The following ARFGAP2 variants were observed in gnomAD, a reference collection of about 807,000 sequenced individuals.
ARFGAP2 encodes the protein ADP-ribosylation factor GTPase-activating protein 2.
Under a neutral mutation model 71.9 loss-of-function variants are expected in ARFGAP2, and 45 were observed. That is an observed-to-expected ratio of 0.63 (90% CI 0.49 to 0.80). The LOEUF (loss-of-function observed/expected upper bound fraction) is 0.80, where lower values mean the gene tolerates loss of function less well. Among genes scored for constraint, ARFGAP2 ranks in the 30% least tolerant of loss-of-function variants. ARFGAP2 has a pLI of 0.00. For synonymous variants in ARFGAP2, 248 were observed against 249.2 expected (o/e 1.00, Z 0.05); for missense variants, 633 against 673.9 (o/e 0.94, Z 0.67).
chr11:47,172,228 G>A (rs1335485431), intron 8 of ARFGAP2, 53 bp downstream of exon 8: 10 of 1,574,760 alleles, frequency 6.4e-6, no homozygotes, highest in Non-Finnish European at 8.7e-6. Context: ...GTGAACCCAG[G>A]TAGCCTGCAC....
intron 2 of ARFGAP2, 184 bp from the exon 3 acceptor site, chr11:47,176,107 G>C: frequency 3.1e-6 from 2 of 635,742 alleles, no homozygotes; most frequent in Non-Finnish European, 5.5e-6. Context: ...TTACTCCAAA[G>C]AGTACTAATT....
rs764958559 is a variant in ARFGAP2, at chr11:47,173,773, C to T, written c.548G>A (p.Ser183Asn). ...GTQQPAPSTE[S>N]SGLAQPEHGP... ...GCTGAACTCACGTGCCAGGCCACTG[C>T]TCTCTGTAGACGGGGCTGGCTGCTG... Residue 183 changes from serine to asparagine, a missense_variant, in exon 6 of 16, where the codon AGC becomes AAC. By Grantham distance (46) the Ser-to-Asn change is conservative. Transcript: ENST00000524782. 6.2e-7 allele frequency: 1 copy of T among 1,603,646 alleles called. No homozygotes were observed. Among genetic ancestry groups the T allele is most frequent in the South Asian group, 1.1e-5 (1 of 88,906 alleles).
In ARFGAP2 at chr11:47,173,814, A is replaced by G. The variant is rs1952686742; in HGVS notation, c.507T>C (p.Thr169=). 1.9e-6 allele frequency: 3 copies of G among 1,603,782 alleles called. No individual in the cohort carries two copies. The highest frequency in any genetic ancestry group is 3.4e-5 in the Admixed American group (2 of 58,780). Residue 169 remains threonine (T), a synonymous_variant, in exon 6 of 16, where the codon ACT becomes ACC. Transcript: ENST00000524782. ...CTGGCTGCTGGGTCCCTGAAGGCTC[A>G]GTGGCTGGCGCATCCCAGGCAGGGG... The part of the protein sequence containing the change: ...TQPPAWDAPA[T]EPSGTQQPAP...
intron 12 of ARFGAP2, among the ~76,000 whole-genome samples, 181 bp from the exon 13 acceptor site, chr11:47,167,067 G>C (rs1055947910): frequency 6.6e-6 from 1 of 152,188 alleles, no homozygotes; most frequent in Non-Finnish European, 1.5e-5. Context: ...TCCACATTGA[G>C]GCCAAGGCCC....
chr11:47,175,323 AAAG>A lies in ARFGAP2; in HGVS notation c.265-13_265-11del. 7 of 1,614,106 alleles carry A rather than the reference AAAG, an allele frequency of 4.3e-6. No homozygotes were observed. The highest frequency in any genetic ancestry group is 5.1e-6 in the Non-Finnish European group (6 of 1,180,018). On this transcript the variant is annotated splice_polypyrimidine_tract_variant and intron_variant, in intron 3 of 15. Transcript: ENST00000524782. ...GGCGAAAAAAAGCCGTCTGGAGAGC[AAAG>A]AAGAGAGCAGCGCGTGCTACGGGTG... is the stretch of plus-strand genomic sequence containing the variant.
At chr11:47,176,109 G>T in intron 2 of ARFGAP2, 186 bp from the exon 3 acceptor site, 1 of 630,142 alleles carries the variant, frequency 1.6e-6, no homozygotes, top group Non-Finnish European at 2.8e-6. Flanking sequence ...ACTCCAAAGA[G>T]TACTAATTAT....
At chr11:47,169,084 C>T (rs902657652) in intron 10 of ARFGAP2, among the ~76,000 whole-genome samples, 3 of 151,392 alleles carry the variant, frequency 2.0e-5, no homozygotes, top group Non-Finnish European at 4.4e-5. Flanking sequence ...GAGGCCGAGG[C>T]GGGCAGATCA....
At chr11:47,175,701 A>G (rs2135439743) in intron 3 of ARFGAP2, 150 bp downstream of exon 3, 1 of 843,158 alleles carries the variant, frequency 1.2e-6, no homozygotes, top group East Asian at 2.6e-5. Flanking sequence ...AGCTGTGACC[A>G]GTTTCGAAGT....
rs1952304318 is a variant in ARFGAP2, at chr11:47,165,335, G to A, written c.*147C>T. ...TACTGACCATTCCCCTCACAGGAGTGAGCGCCTCAAAGGCCACCCCACACA... is the reference window on the plus strand; with the variant it reads ...TACTGACCATTCCCCTCACAGGAGTAAGCGCCTCAAAGGCCACCCCACACA... On this transcript the variant is annotated 3_prime_UTR_variant, in exon 16 of 16. Transcript: ENST00000524782. The A allele has an allele frequency of 1.0e-6, 1 of 967,016 alleles. No individual in the cohort carries two copies. The highest frequency in any genetic ancestry group is 1.5e-6 in the Non-Finnish European group (1 of 664,946). 59.9% of individuals were successfully genotyped at this position (967,016 alleles called of 1,614,324 possible).
Position 47,164,479 on chromosome 11 carries a change from T to C in ARFGAP2, c.*1003A>G. 2.6e-6 allele frequency: 1 copy of C among 389,488 alleles called. No individual in the cohort carries two copies. The highest frequency in any genetic ancestry group is 4.6e-6 in the Non-Finnish European group (1 of 218,924). 24.1% of individuals were successfully genotyped at this position (389,488 alleles called of 1,614,324 possible). On this transcript the variant is annotated 3_prime_UTR_variant, in exon 16 of 16. Coordinates refer to ENST00000524782, the MANE Select transcript of ARFGAP2 (RefSeq NM_032389.6). ...CCAAAGGTGGGGGCTGGGCTGAGAC[T>C]GCCGGTGCGGCAGGGGAAGATGGCA...
In ARFGAP2 at chr11:47,168,154, C is replaced by G. The variant is rs764939758; in HGVS notation, c.1039G>C (p.Asp347His). Reference protein sequence around the residue: ...SSRSQLDLFDDVGTFASGPPK... With the variant: ...SSRSQLDLFDHVGTFASGPPK... ...GGTCCAGAGGCGAAAGTACCAACAT[C>G]GTCAAACAAGTCCAGCTGCGAGCGA... Residue 347 changes from aspartate (D) to histidine (H), a missense_variant, in exon 11 of 16, where the codon GAT becomes CAT. Coordinates refer to ENST00000524782, the MANE Select transcript of ARFGAP2 (RefSeq NM_032389.6). The G allele has an allele frequency of 3.1e-6, 5 of 1,614,212 alleles. No homozygotes were observed. The highest frequency in any genetic ancestry group is 3.4e-6 in the Non-Finnish European group (4 of 1,180,038).
At chr11:47,172,853 C>A in intron 7 of ARFGAP2, 1 of 1,084,740 alleles carries the variant, frequency 9.2e-7, no homozygotes, top group Non-Finnish European at 1.2e-6. Flanking sequence ...TCAGACCAAG[C>A]TATGCCAGCC....
intron 8 of ARFGAP2, 195 bp downstream of exon 8, chr11:47,172,086 G>T: frequency 1.4e-6 from 1 of 733,212 alleles, no homozygotes; most frequent in Non-Finnish European, 2.3e-6. Flanking sequence ...CCATCTCACC[G>T]ACTCCTCCCA....
At chr11:47,174,032 C>CA in intron 5 of ARFGAP2, 192 bp from the exon 6 acceptor site, 1 of 1,035,902 alleles carries the variant, frequency 9.7e-7, no homozygotes, top group South Asian at 1.5e-5. Context: ...GCCCCCACCC[C>CA]AACCCCTTCA....
chr11:47,174,431 C>G (rs1390615043), intron 5 of ARFGAP2: 1 of 124,718 alleles, frequency 8.0e-6, no homozygotes, highest in Non-Finnish European at 1.6e-5. Flanking sequence ...CTCTGTCGCC[C>G]AGGCCGGACT....
At chr11:47,172,676 CAG>C in intron 7 of ARFGAP2, 1 of 1,315,376 alleles carries the variant, frequency 7.6e-7, no homozygotes, top group African/African-American at 1.5e-5. Flanking sequence ...AAGCTGAGAA[CAG>C]GGGCTGGGCT....
chr11:47,176,666 G>A lies in ARFGAP2; in HGVS notation c.73-32C>T, dbSNP rs374002463. 2.5e-5 allele frequency: 41 copies of A among 1,613,166 alleles called. No homozygotes were observed. The African/African-American group carries it at 4.5e-4, about 18-fold the overall frequency. The stretch of plus-strand genomic sequence containing the variant: ...GGAGGCGGCGATGAGCGAATCGTCA[G>A]GGGCCCCGAGTAAAGGCCAGGCACC... On this transcript the variant is annotated intron_variant, in intron 1 of 15. Transcript: ENST00000524782.
At position 47,168,155 on chromosome 11, in the gene ARFGAP2, G is replaced by A. The variant is rs557889655; in HGVS notation, c.1038C>T (p.Asp346=). The A allele has an allele frequency of 1.4e-5, 22 of 1,614,218 alleles. 1 individual carries two copies. In the South Asian group the frequency reaches 1.4e-4, roughly 10 times the overall value. ...KSSRSQLDLF[D]DVGTFASGPP... ...GTCCAGAGGCGAAAGTACCAACATC[G>A]TCAAACAAGTCCAGCTGCGAGCGAG... is the stretch of plus-strand genomic sequence containing the variant. The change falls in exon 11 of 16, where the codon GAC becomes GAT. Residue 346 remains aspartate, a synonymous_variant. Coordinates refer to ENST00000524782, the MANE Select transcript of ARFGAP2 (RefSeq NM_032389.6).
At position 47,176,468 on chromosome 11, in the gene ARFGAP2, AC is replaced by A. The variant is rs759716851; in HGVS notation, c.191+47del. 4.5e-6 allele frequency: 7 copies of A among 1,559,918 alleles called. No individual in the cohort carries two copies. The East Asian group carries it at 1.3e-4, about 30-fold the overall frequency. The stretch of plus-strand genomic sequence containing the variant: ...AGCCACTCTCCCTTGTTGCCCAGAC[AC>A]CCCTGGCCGGCCGGGTGGAAACACG... On this transcript the variant is annotated intron_variant, in intron 2 of 15. Coordinates refer to ENST00000524782, the MANE Select transcript of ARFGAP2 (RefSeq NM_032389.6).
Sources: gnomAD v4.1 joint callset for allele counts (sites outside exome capture counted in the v4.1 genomes callset) on GRCh38, gnomAD v4.1.1 for gene constraint, MANE v1.5 for transcripts, NCBI Gene and HGNC (gene_info 2026-07-23, HGNC 2026-07-21) for gene names.